The following MAD2L1 variants were observed in gnomAD, a reference collection of about 807,000 sequenced individuals.
The protein encoded by MAD2L1 is mitotic arrest deficient 2 like 1, also known as mitotic spindle assembly checkpoint protein MAD2A.
A neutral mutation model predicts 25.9 loss-of-function variants in MAD2L1; 10 were observed. The observed-to-expected ratio is 0.39, with a 90% CI of 0.24 to 0.66. The LOEUF is 0.66. Ranked by LOEUF, MAD2L1 falls within the 30% of genes least tolerant of loss-of-function variation. The probability of loss-of-function intolerance (pLI) is 0.49; values close to 1 mark genes in which losing one functional copy is unlikely to be tolerated. For missense variants in MAD2L1, 180 were observed against 246.4 expected (o/e 0.73, Z 1.80); for synonymous variants, 81 against 91.8 (o/e 0.88, Z 0.67).
At chr4:120,061,725 A>G (rs1426693030) in intron 3 of MAD2L1, among the ~76,000 whole-genome samples, 1 of 152,172 alleles carries the variant, frequency 6.6e-6, no homozygotes, top group Non-Finnish European at 1.5e-5. Context: ...CACCATAAAT[A>G]CTGTTTGAAA....
chr4:120,066,279 G>C (rs1191367333), intron 1 of MAD2L1, among the ~76,000 whole-genome samples: 1 of 151,960 alleles, frequency 6.6e-6, no homozygotes, highest in African/African-American at 2.4e-5. Context: ...CCAAAGTCTT[G>C]TCTACTGCCA....
At chr4:120,065,862 T>C (rs1368002592) in intron 1 of MAD2L1, 44 bp from the exon 2 acceptor site, 1 of 1,594,666 alleles carries the variant, frequency 6.3e-7, no homozygotes, top group Non-Finnish European at 8.6e-7. Context: ...TATCCCTGCA[T>C]AACTCTGGAA....
intron 4 of MAD2L1, 62 bp downstream of exon 4, chr4:120,060,812 C>A: frequency 1.0e-6 from 1 of 996,624 alleles, no homozygotes; most frequent in Non-Finnish European, 1.5e-6. Flanking sequence ...GGGGTGATTA[C>A]GGCAGTAGCT....
intron 4 of MAD2L1, 82 bp from the exon 5 acceptor site, chr4:120,060,372 A>G (rs1726192844): frequency 3.3e-5 from 38 of 1,136,600 alleles, no homozygotes; most frequent in Non-Finnish European, 4.2e-5. Context: ...ATTTTGAACC[A>G]CTCACTGCTG....
intron 2 of MAD2L1, among the ~76,000 whole-genome samples, chr4:120,064,474 T>C (rs1268726200): frequency 6.6e-6 from 1 of 152,214 alleles, no homozygotes; most frequent in Non-Finnish European, 1.5e-5. Context: ...GAGGCATTTC[T>C]GGTTGTCAGA....
chr4:120,058,577 C>G lies in MAD2L1; in HGVS notation c.*1541G>C, dbSNP rs1726149810. On this transcript the variant is annotated 3_prime_UTR_variant, in exon 5 of 5. Transcript: ENST00000296509. ...TCCGGGAGGCAGAGGCTGTAGTGAG[C>G]TGAGCTGCGTCACTGTACTCCAGCC... The G allele has an allele frequency of 2.6e-5, 4 of 152,240 alleles. No individual in the cohort carries two copies. The South Asian group carries it at 8.3e-4, about 32-fold the overall frequency. 9.4% of individuals were successfully genotyped at this position (152,240 alleles called of 1,614,324 possible). A position where few individuals can be genotyped will look rare whatever the true frequency, so the allele number is the denominator to read the frequency against.
At chr4:120,061,005 T>C in intron 3 of MAD2L1, 28 bp from the exon 4 acceptor site, 2 of 1,344,478 alleles carry the variant, frequency 1.5e-6, no homozygotes, top group Non-Finnish European at 2.1e-6. Flanking sequence ...AATCAATTAA[T>C]TCATTTCAGG....
chr4:120,062,008 T>A lies in MAD2L1; in HGVS notation c.308A>T (p.Asp103Val). 6.2e-7 allele frequency: 1 copy of A among 1,613,044 alleles called. No homozygotes were observed. Among genetic ancestry groups the A allele is most frequent in the Non-Finnish European group, 8.5e-7 (1 of 1,179,416 alleles). ...SGEVLERWQF[D>V]IECDKTAKDD... ...TTTTGCAGTCTTGTCACACTCAATA[T>A]CAAACTGCCATCTTTCCAGGACCTC... Residue 103 changes from aspartate to valine, a missense_variant, in exon 3 of 5, where the codon GAT becomes GTT. Transcript: ENST00000296509.
Position 120,062,064 on chromosome 4 carries a change from C to A in MAD2L1, c.252G>T (p.Leu84=), listed in dbSNP as rs1222176361. The change falls in exon 3 of 5, where the codon CTG becomes CTT. Residue 84 remains leucine (L), a synonymous_variant. Coordinates refer to ENST00000296509, the MANE Select transcript of MAD2L1 (RefSeq NM_002358.4). ...DWLYKCSVQK[L]VVVISNIESG... Reference sequence around the variant, plus strand: ...TTTCAATATTTGAGATAACTACAACCAGTTTCTGAACTGAACACTTGTATA... The same window carrying A: ...TTTCAATATTTGAGATAACTACAACAAGTTTCTGAACTGAACACTTGTATA... 2 of 1,612,640 alleles carry A rather than the reference C, an allele frequency of 1.2e-6. No individual in the cohort carries two copies. The highest frequency in any genetic ancestry group is 3.3e-5 in the Admixed American group (2 of 59,742).
rs765364467 is a variant in MAD2L1 at position 120,059,691 on chromosome 4, G to C, written c.*427C>G. On this transcript the variant is annotated 3_prime_UTR_variant, in exon 5 of 5. Coordinates refer to ENST00000296509, the MANE Select transcript of MAD2L1 (RefSeq NM_002358.4). Reference sequence around the variant, plus strand: ...GTTTATAGATTATGAGTTACTTTCAGGACCTTAACAAAGATTCTGAATATT... The same window carrying C: ...GTTTATAGATTATGAGTTACTTTCACGACCTTAACAAAGATTCTGAATATT... The C allele has an allele frequency of 6.5e-6, 1 of 153,186 alleles. No homozygotes were observed. The highest frequency in any genetic ancestry group is 1.5e-5 in the Non-Finnish European group (1 of 68,742). The allele number at this position is 153,186 out of a possible 1,614,324, so 9.5% of individuals were successfully genotyped here.
chr4:120,063,841 C>A (rs895374512), intron 2 of MAD2L1, among the ~76,000 whole-genome samples: 1 of 152,090 alleles, frequency 6.6e-6, no homozygotes, highest in Non-Finnish European at 1.5e-5. Context: ...GAAACCCTGT[C>A]TCTAGTAAAA....
rs1481251304 is a variant in MAD2L1 at position 120,066,729 on chromosome 4, C to T, written c.6G>A (p.Ala2=). ...TTCCCTGCTCCCGGGAGAGCTGCAG[C>T]GCCATGGCCAGGGACACAAACAAAA... The part of the protein sequence containing the change: M[A]LQLSREQGIT... The change falls in exon 1 of 5, where the codon GCG becomes GCA. Residue 2 remains alanine, a synonymous_variant. Transcript: ENST00000296509. 1.3e-6 allele frequency: 2 copies of T among 1,598,470 alleles called. No homozygotes were observed. The highest frequency in any genetic ancestry group is 1.7e-5 in the Admixed American group (1 of 58,842).
chr4:120,066,831 G>T lies in MAD2L1; in HGVS notation c.-97C>A. On this transcript the variant is annotated 5_prime_UTR_variant, in exon 1 of 5. Transcript: ENST00000296509. Reference sequence around the variant, plus strand: ...CCCCGCCAAGCGTTTCAAAAGTAACGACGCAGCACGTCGTCAGGTCCTTTG... The same window carrying T: ...CCCCGCCAAGCGTTTCAAAAGTAACTACGCAGCACGTCGTCAGGTCCTTTG... The T allele has an allele frequency of 1.1e-6, 1 of 879,142 alleles. No individual in the cohort carries two copies. The highest frequency in any genetic ancestry group is 1.6e-5 in the South Asian group (1 of 63,618). 54.5% of individuals were successfully genotyped at this position (879,142 alleles called of 1,614,324 possible).
In MAD2L1 at chr4:120,060,087, T is replaced by TA; in HGVS notation, c.*30_*31insT. On this transcript the variant is annotated 3_prime_UTR_variant, in exon 5 of 5. Coordinates refer to ENST00000296509, the MANE Select transcript of MAD2L1 (RefSeq NM_002358.4). ...ATTTCAGGAAAACCACATTTCAAAA[T>TA]TACAATTACATTATTTTCCTCATGT... 1 of 1,543,360 alleles carries TA rather than the reference T, an allele frequency of 6.5e-7. No homozygotes were observed. The highest frequency in any genetic ancestry group is 1.2e-5 in the South Asian group (1 of 84,638).
At position 120,062,231 on chromosome 4, in the gene MAD2L1, T is replaced by C. The variant is rs184433438; in HGVS notation, c.221-136A>G. On this transcript the variant is annotated intron_variant, in intron 2 of 4. Coordinates refer to ENST00000296509, the MANE Select transcript of MAD2L1 (RefSeq NM_002358.4). ...GACCTCCTCCTATGTGCAAGAAAAT[T>C]TGCACCATCAATAATCTAACTTCTG... is the stretch of plus-strand genomic sequence containing the variant. 1.0e-3 allele frequency: 709 copies of C among 694,330 alleles called. 5 individuals carry two copies. The Admixed American group carries it at 0.012, about 12-fold the overall frequency. The allele number at this position is 694,330 out of a possible 1,614,324, so 43.0% of individuals were successfully genotyped here. A position where few individuals can be genotyped will look rare whatever the true frequency, so the allele number is the denominator to read the frequency against.
rs1315975014 is a variant in MAD2L1 at position 120,058,894 on chromosome 4, A to G, written c.*1224T>C. 6.6e-6 allele frequency: 1 copy of G among 152,208 alleles called. No individual in the cohort carries two copies. Among genetic ancestry groups the G allele is most frequent in the Admixed American group, 6.5e-5 (1 of 15,286 alleles). The allele number at this position is 152,208 out of a possible 1,614,324, so 9.4% of individuals were successfully genotyped here. ...TACTTAAAAATAGTGAAGGTTAAAT[A>G]AGTTAATACACATAAAGAACTTAGT... On this transcript the variant is annotated 3_prime_UTR_variant, in exon 5 of 5. Transcript: ENST00000296509.
rs1415283904 is a variant in MAD2L1, at chr4:120,056,966, C to T, written c.*3152G>A. 1 of 152,136 alleles carries T rather than the reference C, an allele frequency of 6.6e-6. No individual in the cohort carries two copies. The highest frequency in any genetic ancestry group is 1.5e-5 in the Non-Finnish European group (1 of 68,010). The allele number at this position is 152,136 out of a possible 1,614,324, so 9.4% of individuals were successfully genotyped here. ...CAACAAACGATGTTTTACAAGTGAG[C>T]TTTAAATATTACGGTATCAAATGCT... On this transcript the variant is annotated 3_prime_UTR_variant, in exon 5 of 5. Coordinates refer to ENST00000296509, the MANE Select transcript of MAD2L1 (RefSeq NM_002358.4).
Position 120,057,494 on chromosome 4 carries a change from T to TTGA in MAD2L1, c.*2621_*2623dup, listed in dbSNP as rs1726130127. On this transcript the variant is annotated 3_prime_UTR_variant, in exon 5 of 5. Coordinates refer to ENST00000296509, the MANE Select transcript of MAD2L1 (RefSeq NM_002358.4). ...TCTCACAGAGGTTTGACTTCTCTGA[T>TTGA]TGATGACACTGGGAAAAGGATCCTG... The TTGA allele has an allele frequency of 6.6e-6, 1 of 152,350 alleles. No individual in the cohort carries two copies. Among genetic ancestry groups the TTGA allele is most frequent in the Non-Finnish European group, 1.5e-5 (1 of 68,162 alleles). 9.4% of individuals were successfully genotyped at this position (152,350 alleles called of 1,614,324 possible). A position where few individuals can be genotyped will look rare whatever the true frequency, so the allele number is the denominator to read the frequency against.
In MAD2L1 at chr4:120,056,252, G is replaced by A. The variant is rs890807657; in HGVS notation, c.*3866C>T. ...CCCCCAGTTTTACTTGTGCACAAAA[G>A]CATGAGAATTAAATAAAAATTCATG... On this transcript the variant is annotated 3_prime_UTR_variant, in exon 5 of 5. Coordinates refer to ENST00000296509, the MANE Select transcript of MAD2L1 (RefSeq NM_002358.4). The A allele has an allele frequency of 6.6e-6, 1 of 152,166 alleles. No homozygotes were observed. Among genetic ancestry groups the A allele is most frequent in the Non-Finnish European group, 1.5e-5 (1 of 68,026 alleles). 9.4% of individuals were successfully genotyped at this position (152,166 alleles called of 1,614,324 possible). A position where few individuals can be genotyped will look rare whatever the true frequency, so the allele number is the denominator to read the frequency against.
Sources: allele counts gnomAD v4.1 joint callset (sites outside exome capture counted in the v4.1 genomes callset), GRCh38; gene constraint gnomAD v4.1.1; transcripts MANE v1.5; gene names NCBI Gene and HGNC (gene_info 2026-07-23, HGNC 2026-07-21).